The following CAST variants were observed in gnomAD, a reference collection of about 807,000 sequenced individuals.
CAST encodes the protein calpastatin.
In CAST, 76 loss-of-function variants were observed where a neutral mutation model predicts 119.6. The ratio of observed to expected loss-of-function variants is 0.64; its 90% confidence interval spans 0.53 to 0.77. CAST has a LOEUF of 0.77. CAST is among the 30% of genes least tolerant of loss of function. The pLI is 0.00. For missense variants in CAST, 953 were observed against 946.5 expected (o/e 1.01, Z -0.09); for synonymous variants, 319 against 331.6 (o/e 0.96, Z 0.41).
intron 1 of CAST, among the ~76,000 whole-genome samples, chr5:96,650,280 C>G (rs983379101): frequency 1.3e-5 from 2 of 152,158 alleles, no homozygotes; most frequent in African/African-American, 2.4e-5. Context: ...GGACTCTTCA[C>G]GCATTTTCCT....
chr5:96,411,663 A>G, the CAST span, among the ~76,000 whole-genome samples: 3,684 of 152,308 alleles, frequency 0.024, 148 homozygotes, highest in African/African-American at 0.084. Flanking sequence ...AAGAAGACTG[A>G]GTAGTTTTTT....
chr5:96,196,433 C>G, the CAST span, among the ~76,000 whole-genome samples: 1 of 152,100 alleles, frequency 6.6e-6, no homozygotes, highest in African/African-American at 2.4e-5. Flanking sequence ...TAAATAAGAT[C>G]CCTGATCTCA....
chr5:96,320,527 C>T, the CAST span, among the ~76,000 whole-genome samples: 4 of 152,218 alleles, frequency 2.6e-5, no homozygotes, highest in African/African-American at 7.2e-5. Context: ...CGTGAGTCAC[C>T]GTGCCCGGTC....
chr5:96,474,332 C>T, the CAST span, among the ~76,000 whole-genome samples: 1 of 151,590 alleles, frequency 6.6e-6, no homozygotes, highest in Admixed American at 6.6e-5. Context: ...ACCCTAGCCT[C>T]TGAGGGCCCA....
At chr5:96,563,605 C>A (rs1420005185) in intron 1 of CAST, among the ~76,000 whole-genome samples, 1 of 152,080 alleles carries the variant, frequency 6.6e-6, no homozygotes, top group Non-Finnish European at 1.5e-5. Context: ...CTGTGTCTAT[C>A]TTCAGATACT....
chr5:96,429,354 C>T, the CAST span: 10 of 1,169,652 alleles, frequency 8.5e-6, no homozygotes, highest in South Asian at 4.9e-5. Context: ...TATCCACGTT[C>T]CCAAACAAGT....
At chr5:96,183,704 G>A in the CAST span, among the ~76,000 whole-genome samples, 9 of 152,168 alleles carry the variant, frequency 5.9e-5, no homozygotes, top group South Asian at 4.2e-4. Flanking sequence ...TTGGGGAGTC[G>A]CATTTACCCT....
chr5:96,603,068 G>A (rs1019895655), intron 1 of CAST, among the ~76,000 whole-genome samples: 4 of 152,162 alleles, frequency 2.6e-5, no homozygotes, highest in African/African-American at 9.7e-5. Flanking sequence ...AAAAAGAATT[G>A]CCTTCCAAGG....
At chr5:96,198,097 A>C in the CAST span, among the ~76,000 whole-genome samples, 1 of 152,090 alleles carries the variant, frequency 6.6e-6, no homozygotes, top group Non-Finnish European at 1.5e-5. Flanking sequence ...TCCCTTCTCT[A>C]GGCGATGCTG....
Position 96,575,918 on chromosome 5 carries a change from C to T in CAST, c.60+46038C>T, listed in dbSNP as rs374883262. Among the ~76,000 whole-genome samples the T allele has an allele frequency of 1.9e-4, 29 of 152,266 alleles. No individual in the cohort carries two copies. In the East Asian group the frequency reaches 4.6e-3, roughly 24 times the overall value. Reference sequence around the variant, plus strand: ...TCGGCCTCCCAAATTGCTAGGGATACTGCACCAGGCTTTCAAATACATTTT... The same window carrying T: ...TCGGCCTCCCAAATTGCTAGGGATATTGCACCAGGCTTTCAAATACATTTT... On this transcript the variant is annotated intron_variant, in intron 1 of 11. Coordinates refer to the CAST transcript ENST00000505143.
chr5:96,044,813 A>AGAAT, the CAST span, among the ~76,000 whole-genome samples: 2 of 152,230 alleles, frequency 1.3e-5, no homozygotes, highest in Non-Finnish European at 2.9e-5. Flanking sequence ...TACAGCAATG[A>AGAAT]GAATGAATGA....
the CAST span, chr5:96,398,906 G>A: frequency 1.9e-6 from 3 of 1,613,556 alleles, no homozygotes; most frequent in African/African-American, 2.7e-5. Context: ...GTGACATGAA[G>A]GTCTCCTCTT....
the CAST span, among the ~76,000 whole-genome samples, chr5:96,109,205 G>C: frequency 3.3e-5 from 5 of 152,248 alleles, no homozygotes; most frequent in African/African-American, 1.2e-4. Flanking sequence ...CACACTGGGA[G>C]CTGTAGACCA....
the CAST span, among the ~76,000 whole-genome samples, chr5:96,081,815 A>G: frequency 1.3e-5 from 2 of 152,348 alleles, 1 homozygote; most frequent in South Asian, 4.1e-4. Context: ...TAAAAATTTA[A>G]GTAAAGATGT....
chr5:96,108,509 G>GA, the CAST span, among the ~76,000 whole-genome samples: 18 of 152,058 alleles, frequency 1.2e-4, no homozygotes, highest in Non-Finnish European at 1.5e-5. Context: ...TGCCCCTGCT[G>GA]GGGGGTGCCT....
intron 4 of CAST, among the ~76,000 whole-genome samples, chr5:96,725,442 A>C (rs1265759019): frequency 6.6e-6 from 1 of 152,162 alleles, no homozygotes; most frequent in East Asian, 1.9e-4. Flanking sequence ...CCTCAGGTCC[A>C]CCATGGATGT....
chr5:95,967,101 A>G, the CAST span, among the ~76,000 whole-genome samples: 5 of 152,210 alleles, frequency 3.3e-5, 1 homozygote, highest in Non-Finnish European at 7.3e-5. Flanking sequence ...GTTTTGTACT[A>G]AAAAGGAGCA....
chr5:96,543,184 C>A (rs1014200180), intron 1 of CAST, among the ~76,000 whole-genome samples: 1 of 152,136 alleles, frequency 6.6e-6, no homozygotes, highest in African/African-American at 2.4e-5. Flanking sequence ...ACATATACAC[C>A]ATGGAATACT....
At chr5:96,026,522 G>A in the CAST span, among the ~76,000 whole-genome samples, 1 of 152,176 alleles carries the variant, frequency 6.6e-6, no homozygotes, top group Non-Finnish European at 1.5e-5. Flanking sequence ...AGGCCCCAGG[G>A]AAATTCTTTT....
Sources: gnomAD v4.1 joint callset for allele counts (sites outside exome capture counted in the v4.1 genomes callset) on GRCh38, gnomAD v4.1.1 for gene constraint, MANE v1.5 for transcripts, NCBI Gene and HGNC (gene_info 2026-07-23, HGNC 2026-07-21) for gene names.